The following RNF180 variants were observed in gnomAD, a reference collection of about 807,000 sequenced individuals.
RNF180 encodes the protein ring finger protein 180.
RNF180 carries 38 observed loss-of-function variants against 59.2 expected under a neutral mutation model. The ratio of observed to expected loss-of-function variants is 0.64; its 90% CI spans 0.50 to 0.84. The LOEUF is 0.84. RNF180 is among the 40% of genes least tolerant of loss of function. RNF180 has a pLI of 0.00. For missense variants in RNF180, 705 were observed against 700.9 expected (o/e 1.01, Z -0.07); for synonymous variants, 262 against 240.3 (o/e 1.09, Z -0.84).
intron 5 of RNF180, among the ~76,000 whole-genome samples, chr5:64,288,067 TTAATTTTTGTA>T (rs1742379428): frequency 6.6e-6 from 1 of 152,216 alleles, no homozygotes; most frequent in African/African-American, 2.4e-5. Flanking sequence ...CCATGTTGTC[TTAATTTTTGTA>T]TAAAGTGTAA....
intron 5 of RNF180, among the ~76,000 whole-genome samples, chr5:64,264,713 T>C (rs1744559653): frequency 6.6e-6 from 1 of 152,160 alleles, no homozygotes; most frequent in South Asian, 2.1e-4. Flanking sequence ...GTCTCTATAG[T>C]AGAATGATTT....
intron 1 of RNF180, among the ~76,000 whole-genome samples, chr5:64,167,054 G>A (rs936513823): frequency 3.3e-5 from 5 of 152,178 alleles, no homozygotes; most frequent in African/African-American, 1.2e-4. Context: ...TTGAGTCGTA[G>A]AAAGAAGTAA....
At chr5:64,365,761 G>C (rs1338477898) in intron 7 of RNF180, among the ~76,000 whole-genome samples, 1 of 151,326 alleles carries the variant, frequency 6.6e-6, no homozygotes, top group East Asian at 1.9e-4. Context: ...TATCTTTGTT[G>C]GTTTAAAGTC....
chr5:64,270,840 G>T (rs1026010899), intron 5 of RNF180, among the ~76,000 whole-genome samples: 1 of 151,954 alleles, frequency 6.6e-6, no homozygotes, highest in African/African-American at 2.4e-5. Context: ...TATCTGAAAG[G>T]AAATTCAAAT....
Position 64,369,901 on chromosome 5 carries a change from T to G in RNF180, c.*87T>G, listed in dbSNP as rs1746602570. On this transcript the variant is annotated 3_prime_UTR_variant, in exon 8 of 8. Coordinates refer to ENST00000389100, the MANE Select transcript of RNF180 (RefSeq NM_001113561.2). ...ATTTTTAAATGTGCTTTGAAGTTTT[T>G]TTAATGTTGCATTATACAAATTGTT... 3 of 718,216 alleles carry G rather than the reference T, an allele frequency of 4.2e-6. No individual in the cohort carries two copies. Among genetic ancestry groups the G allele is most frequent in the Non-Finnish European group, 6.5e-6 (3 of 464,028 alleles). The allele number at this position is 718,216 out of a possible 1,614,324, so 44.5% of individuals were successfully genotyped here.
chr5:64,325,808 A>G (rs1454382757), intron 6 of RNF180, among the ~76,000 whole-genome samples: 1 of 152,190 alleles, frequency 6.6e-6, no homozygotes, highest in Non-Finnish European at 1.5e-5. Context: ...ATCTAAGTAC[A>G]ATTACTACAT....
chr5:64,243,903 A>G (rs1428062339), intron 5 of RNF180, among the ~76,000 whole-genome samples: 1 of 152,156 alleles, frequency 6.6e-6, no homozygotes, highest in Non-Finnish European at 1.5e-5. Flanking sequence ...AACAGGCAGC[A>G]ATCTTTGCTG....
chr5:64,193,623 C>T lies in RNF180; in HGVS notation c.1-7185C>T, dbSNP rs146921985. On this transcript the variant is annotated intron_variant, in intron 1 of 7. Transcript: ENST00000389100. ...AGTCGTCTTTAGCATTTAACCAGTT[C>T]TTTGGTAGTGACAAGGGCTGGTACT... is the stretch of plus-strand genomic sequence containing the variant. Among the ~76,000 whole-genome samples, 8 of 152,274 alleles carry T rather than the reference C, an allele frequency of 5.3e-5. No individual in the cohort carries two copies. In the East Asian group the frequency reaches 1.5e-3, roughly 29 times the overall value.
intron 7 of RNF180, among the ~76,000 whole-genome samples, chr5:64,332,288 A>G (rs1317754076): frequency 1.3e-5 from 2 of 152,246 alleles, no homozygotes; most frequent in African/African-American, 4.8e-5. Context: ...AGTACTCTGT[A>G]TAAAGATTCC....
intron 7 of RNF180, among the ~76,000 whole-genome samples, chr5:64,367,510 TA>T (rs1316723244): frequency 1.1e-4 from 17 of 151,836 alleles, no homozygotes; most frequent in Admixed American, 5.9e-4. Context: ...TCTGTTTAAA[TA>T]TCACTTATTT....
At chr5:64,171,257 T>C (rs1337663550) in intron 1 of RNF180, among the ~76,000 whole-genome samples, 1 of 152,248 alleles carries the variant, frequency 6.6e-6, no homozygotes, top group Non-Finnish European at 1.5e-5. Flanking sequence ...ATGATAATGC[T>C]AGACTGTTTG....
chr5:64,223,273 A>T (rs1380541351), intron 5 of RNF180, among the ~76,000 whole-genome samples: 2 of 152,160 alleles, frequency 1.3e-5, no homozygotes, highest in Non-Finnish European at 2.9e-5. Flanking sequence ...CCCTTTAAGG[A>T]CCCTTGTGAT....
chr5:64,202,107 A>G (rs781166048), intron 2 of RNF180, among the ~76,000 whole-genome samples: 2 of 152,224 alleles, frequency 1.3e-5, no homozygotes, highest in Admixed American at 1.3e-4. Context: ...CAGCCCTGCC[A>G]TGAATCAGAT....
chr5:64,205,719 T>C (rs1342415807), intron 2 of RNF180, among the ~76,000 whole-genome samples: 1 of 151,476 alleles, frequency 6.6e-6, no homozygotes, highest in Non-Finnish European at 1.5e-5. Context: ...ATGAATGGAG[T>C]GAGAGTTAAG....
chr5:64,258,665 G>C (rs1744135061), intron 5 of RNF180, among the ~76,000 whole-genome samples: 1 of 152,174 alleles, frequency 6.6e-6, no homozygotes. Flanking sequence ...TATATAGGTA[G>C]ATATATTGAA....
chr5:64,339,406 T>TA, intron 7 of RNF180, among the ~76,000 whole-genome samples: 1 of 150,850 alleles, frequency 6.6e-6, no homozygotes, highest in African/African-American at 2.5e-5. Context: ...CATTTCTAAT[T>TA]ATTTTTTATA....
At position 64,214,080 on chromosome 5, in the gene RNF180, A is replaced by T. The variant is rs180951995; in HGVS notation, c.754A>T (p.Thr252Ser). The change falls in exon 4 of 8, where the codon ACT becomes TCT. Residue 252 changes from threonine to serine, a missense_variant. Physicochemically the swap from Thr to Ser is moderately conservative, Grantham distance 58. Coordinates refer to ENST00000389100, the MANE Select transcript of RNF180 (RefSeq NM_001113561.2). ...CACTTTATATGAAATACATAGTAAG[A>T]CTACTGCCTATTCCAGACTAAATGA... ...LPTLYEIHSK[T>S]TAYSRLNETQ... is the part of the protein sequence containing the mutation. 9 of 1,613,970 alleles carry T rather than the reference A, an allele frequency of 5.6e-6. No individual in the cohort carries two copies. Among genetic ancestry groups the T allele is most frequent in the Middle Eastern group, 1.6e-4 (1 of 6,062 alleles).
At chr5:64,304,908 G>A (rs1580215100) in intron 5 of RNF180, among the ~76,000 whole-genome samples, 1 of 151,668 alleles carries the variant, frequency 6.6e-6, no homozygotes, top group East Asian at 1.9e-4. Context: ...TGTTGTCACA[G>A]GCACTCCTTC....
At chr5:64,298,277 A>T (rs895817382) in intron 5 of RNF180, among the ~76,000 whole-genome samples, 1 of 151,958 alleles carries the variant, frequency 6.6e-6, no homozygotes, top group Non-Finnish European at 1.5e-5. Flanking sequence ...GATCAAGTCC[A>T]TGTCTGCTAT....
Sources: allele counts gnomAD v4.1 joint callset (sites outside exome capture counted in the v4.1 genomes callset), GRCh38; gene constraint gnomAD v4.1.1; transcripts MANE v1.5; gene names NCBI Gene and HGNC (gene_info 2026-07-23, HGNC 2026-07-21).